NINL: variants seen among roughly 807,000 people sequenced by gnomAD.
The protein encoded by NINL is ninein-like protein.
In NINL, 153 loss-of-function variants were observed where a neutral mutation model predicts 160.3. The ratio of observed to expected loss-of-function variants is 0.95; its 90% CI spans 0.84 to 1.09. The LOEUF (loss-of-function observed/expected upper bound fraction) is 1.09. Among genes scored for constraint, NINL ranks in the 50% least tolerant of loss-of-function variants. The pLI is 0.00. For synonymous variants in NINL, 800 were observed against 734.8 expected (o/e 1.09, Z -1.43); for missense variants, 1,829 against 1,764.0 (o/e 1.04, Z -0.66).
At chr20:25,533,036 C>T (rs1288017268) in intron 1 of NINL, among the ~76,000 whole-genome samples, 1 of 152,184 alleles carries the variant, frequency 6.6e-6, no homozygotes, top group East Asian at 1.9e-4. Context: ...CACATAGGAA[C>T]CCCGCTGCAG....
intron 15 of NINL, 86 bp from the exon 16 acceptor site, chr20:25,479,292 T>C: frequency 6.7e-7 from 1 of 1,496,670 alleles, no homozygotes; most frequent in Non-Finnish European, 9.0e-7. Flanking sequence ...CGAAGCTGCC[T>C]GGCACAACGT....
chr20:25,517,442 C>T (rs1177874882), intron 3 of NINL, among the ~76,000 whole-genome samples: 1 of 152,202 alleles, frequency 6.6e-6, no homozygotes, highest in Non-Finnish European at 1.5e-5. Context: ...AAGGATGCCA[C>T]TTCCACTTAG....
chr20:25,521,553 T>C (rs544754841), intron 2 of NINL, among the ~76,000 whole-genome samples: 4 of 152,334 alleles, frequency 2.6e-5, no homozygotes, highest in African/African-American at 7.2e-5. Context: ...TTTGGGATGG[T>C]GGCACTTTTA....
At chr20:25,462,247 A>C in intron 20 of NINL, 136 bp downstream of exon 20, 1 of 742,880 alleles carries the variant, frequency 1.3e-6, no homozygotes, top group Non-Finnish European at 2.1e-6. Flanking sequence ...CAGTCCACCT[A>C]CTTCTCCAAG....
chr20:25,553,333 C>G (rs1464316321), intron 1 of NINL, among the ~76,000 whole-genome samples: 2 of 151,908 alleles, frequency 1.3e-5, no homozygotes, highest in African/African-American at 4.8e-5. Flanking sequence ...AACAAAAATC[C>G]AAAGGTTGGG....
At chr20:25,467,319 TA>T in intron 19 of NINL, 69 bp downstream of exon 19, 1 of 1,290,788 alleles carries the variant, frequency 7.7e-7, no homozygotes, top group Non-Finnish European at 1.1e-6. Context: ...TTTGTAAGTT[TA>T]AAATGATTTC....
intron 2 of NINL, among the ~76,000 whole-genome samples, chr20:25,519,758 T>C (rs1312717507): frequency 1.3e-5 from 2 of 152,046 alleles, no homozygotes; most frequent in South Asian, 4.1e-4. Context: ...GGCTCTTGCC[T>C]GTAATCCCAG....
At chr20:25,528,593 T>C (rs975415781) in intron 1 of NINL, among the ~76,000 whole-genome samples, 6 of 152,310 alleles carry the variant, frequency 3.9e-5, no homozygotes, top group Non-Finnish European at 8.8e-5. Flanking sequence ...CTATTTTATA[T>C]ATTTTTATAT....
intron 14 of NINL, 97 bp downstream of exon 14, chr20:25,481,868 ACAT>A: frequency 6.7e-7 from 1 of 1,488,586 alleles, no homozygotes; most frequent in Non-Finnish European, 9.0e-7. Context: ...GGTCACAGCA[ACAT>A]CATCATCTTC....
At chr20:25,581,317 A>G (rs73337401) in intron 1 of NINL, among the ~76,000 whole-genome samples, 2 of 152,074 alleles carry the variant, frequency 1.3e-5, no homozygotes, top group Non-Finnish European at 2.9e-5. Context: ...GGTCAGGCAC[A>G]TATAATCCCA....
intron 2 of NINL, among the ~76,000 whole-genome samples, chr20:25,523,327 C>G (rs2146945705): frequency 6.6e-6 from 1 of 152,082 alleles, no homozygotes. Flanking sequence ...TCACACCTCA[C>G]TACAGCCTCA....
intron 1 of NINL, among the ~76,000 whole-genome samples, chr20:25,582,084 C>T (rs1221035798): frequency 1.1e-4 from 16 of 151,860 alleles, no homozygotes; most frequent in Non-Finnish European, 2.2e-4. Flanking sequence ...GGTGAAACCC[C>T]GTCTCTACTA....
rs963823205 is a variant in NINL, at chr20:25,458,528, A to G, written c.3698T>C (p.Val1233Ala). Reference protein sequence around the residue: ...TQTLEESQDQVQGAHLRLRQA... With the variant: ...TQTLEESQDQAQGAHLRLRQA... Reference sequence around the variant, plus strand: ...CCTCAGCCTCAGGTGAGCTCCCTGCACCTGCATGGGGAAGGGGAGACAGCT... The same window carrying G: ...CCTCAGCCTCAGGTGAGCTCCCTGCGCCTGCATGGGGAAGGGGAGACAGCT... The change falls in exon 22 of 24, where the codon GTG becomes GCG. Residue 1233 changes from valine (V) to alanine (A), a missense_variant and splice_region_variant. Coordinates refer to ENST00000278886, the MANE Select transcript of NINL (RefSeq NM_025176.6). 8 of 1,590,998 alleles carry G rather than the reference A, an allele frequency of 5.0e-6. No homozygotes were observed. In the African/African-American group the frequency reaches 9.4e-5, roughly 19 times the overall value.
chr20:25,498,598 C>A (rs1235294185), intron 8 of NINL, among the ~76,000 whole-genome samples: 3 of 152,188 alleles, frequency 2.0e-5, no homozygotes, highest in Non-Finnish European at 2.9e-5. Flanking sequence ...AGACAGAACC[C>A]CTCTTCCTGG....
chr20:25,468,201 A>G (rs1199762969), intron 18 of NINL, among the ~76,000 whole-genome samples: 1 of 125,852 alleles, frequency 7.9e-6, no homozygotes, highest in African/African-American at 2.6e-5. Flanking sequence ...CTGAGGGGAC[A>G]CTCCTGCTCT....
At chr20:25,463,424 T>C (rs905728767) in intron 19 of NINL, among the ~76,000 whole-genome samples, 4 of 152,154 alleles carry the variant, frequency 2.6e-5, no homozygotes, top group African/African-American at 4.8e-5. Flanking sequence ...GCAGGGTACA[T>C]AGGTTCATCA....
chr20:25,518,192 C>T (rs564093592), intron 2 of NINL, among the ~76,000 whole-genome samples: 11 of 152,348 alleles, frequency 7.2e-5, no homozygotes, highest in Admixed American at 3.3e-4. Context: ...AAGGCGTCTC[C>T]GCCACGACCC....
chr20:25,453,475 A>G lies in NINL; in HGVS notation c.4125T>C (p.Ile1375=). The change falls in exon 24 of 24, where the codon ATT becomes ATC. Residue 1375 remains isoleucine (I), a synonymous_variant. Coordinates refer to ENST00000278886, the MANE Select transcript of NINL (RefSeq NM_025176.6). ...TTTACACAGAGAGGGCTGCGGGGGC[A>G]ATCCTACTGACGAGTTTGTTGAGAG... is the stretch of plus-strand genomic sequence containing the variant. The part of the protein sequence containing the change: ...VRALNKLVSR[I]APAALSV The G allele has an allele frequency of 6.2e-7, 1 of 1,612,112 alleles. No homozygotes were observed. Among genetic ancestry groups the G allele is most frequent in the South Asian group, 1.1e-5 (1 of 90,788 alleles).
At chr20:25,518,070 T>C (rs1412618579) in intron 2 of NINL, among the ~76,000 whole-genome samples, 1 of 152,164 alleles carries the variant, frequency 6.6e-6, no homozygotes, top group Non-Finnish European at 1.5e-5. Flanking sequence ...ATAAACACTA[T>C]CAACAATTTT....
Sources: allele counts gnomAD v4.1 joint callset (sites outside exome capture counted in the v4.1 genomes callset), GRCh38; gene constraint gnomAD v4.1.1; transcripts MANE v1.5; gene names NCBI Gene and HGNC (gene_info 2026-07-23, HGNC 2026-07-21).